ZFPM2: variants seen among roughly 807,000 people sequenced by gnomAD.
The protein encoded by ZFPM2 is zinc finger protein, FOG family member 2, also known as zinc finger protein ZFPM2.
ZFPM2 carries 20 observed loss-of-function variants against 98.6 expected under a neutral mutation model. That is an observed-to-expected ratio of 0.20 (90% CI 0.14 to 0.29). ZFPM2 has a LOEUF of 0.29. Ranked by LOEUF, ZFPM2 falls within the 10% of genes least tolerant of loss-of-function variation. The probability of loss-of-function intolerance (pLI) is 1.00; values close to 1 mark genes in which losing one functional copy is unlikely to be tolerated. For missense variants in ZFPM2, 1,310 were observed against 1,388.6 expected (o/e 0.94, Z 0.90); for synonymous variants, 518 against 502.7 (o/e 1.03, Z -0.41).
chr8:105,644,746 T>C (rs1817010763), intron 5 of ZFPM2, among the ~76,000 whole-genome samples: 1 of 152,196 alleles, frequency 6.6e-6, no homozygotes, highest in African/African-American at 2.4e-5. Context: ...TCTGGGTTTG[T>C]GGATGGGCAC....
chr8:105,357,332 A>AT (rs1812768038), intron 1 of ZFPM2, among the ~76,000 whole-genome samples: 2 of 152,084 alleles, frequency 1.3e-5, no homozygotes, highest in Admixed American at 6.5e-5. Context: ...CATTTTCTGT[A>AT]TTTTTTCTAC....
At chr8:105,643,013 G>A (rs1816976363) in intron 5 of ZFPM2, among the ~76,000 whole-genome samples, 1 of 152,148 alleles carries the variant, frequency 6.6e-6, no homozygotes, top group African/African-American at 2.4e-5. Context: ...AAGTTCCTGA[G>A]AGCCATGTTA....
chr8:105,658,290 T>C (rs1817322732), intron 5 of ZFPM2, among the ~76,000 whole-genome samples: 1 of 152,042 alleles, frequency 6.6e-6, no homozygotes. Context: ...AGTCAGTCTT[T>C]AGAAATCAAA....
intron 5 of ZFPM2, among the ~76,000 whole-genome samples, chr8:105,741,040 G>C (rs1424044858): frequency 6.6e-6 from 1 of 152,076 alleles, no homozygotes; most frequent in Non-Finnish European, 1.5e-5. Flanking sequence ...GCAGCCTGCA[G>C]TGACTGGGCA....
At chr8:105,448,701 A>G (rs1586380666) in intron 3 of ZFPM2, among the ~76,000 whole-genome samples, 1 of 152,186 alleles carries the variant, frequency 6.6e-6, no homozygotes, top group African/African-American at 2.4e-5. Context: ...GCCAAGCTTC[A>G]GTTTCCTTAT....
In ZFPM2 at chr8:105,790,437, C is replaced by A. The variant is rs1813571242; in HGVS notation, c.739+1513C>A. Among the ~76,000 whole-genome samples, 4 of 152,122 alleles carry A rather than the reference C, an allele frequency of 2.6e-5. No individual in the cohort carries two copies. In the South Asian group the frequency reaches 8.3e-4, roughly 32 times the overall value. ...TTATTTCTGAGGGCTCTGTTCTGTT[C>A]CATTGATCTATATCTATCTCTATTT... On this transcript the variant is annotated intron_variant, in intron 6 of 7. Coordinates refer to ENST00000407775, the MANE Select transcript of ZFPM2 (RefSeq NM_012082.4).
chr8:105,562,721 A>T (rs1815165886), intron 4 of ZFPM2, among the ~76,000 whole-genome samples: 2 of 151,966 alleles, frequency 1.3e-5, no homozygotes, highest in Non-Finnish European at 2.9e-5. Context: ...TCCCTCTTAC[A>T]CATTTAAGGA....
chr8:105,772,923 C>T (rs1813013208), intron 5 of ZFPM2, among the ~76,000 whole-genome samples: 5 of 152,126 alleles, frequency 3.3e-5, no homozygotes, highest in Admixed American at 2.6e-4. Flanking sequence ...GTTATCTTGA[C>T]ATGGGCACGT....
chr8:105,389,995 T>C (rs188760761), intron 1 of ZFPM2, among the ~76,000 whole-genome samples: 19 of 152,342 alleles, frequency 1.2e-4, no homozygotes, highest in Admixed American at 9.1e-4. Flanking sequence ...ACGTCCCTTA[T>C]AATATCTGGT....
chr8:105,731,043 A>G (rs1811923670), intron 5 of ZFPM2, among the ~76,000 whole-genome samples: 1 of 151,522 alleles, frequency 6.6e-6, no homozygotes, highest in Admixed American at 6.6e-5. Flanking sequence ...AGATATGAAC[A>G]CTGAGAGAGC....
At chr8:105,471,029 A>G (rs567640873) in intron 3 of ZFPM2, among the ~76,000 whole-genome samples, 1 of 152,140 alleles carries the variant, frequency 6.6e-6, no homozygotes, top group East Asian at 1.9e-4. Flanking sequence ...CTTATTACAT[A>G]TTGAAAATCT....
intron 1 of ZFPM2, among the ~76,000 whole-genome samples, chr8:105,383,050 G>A (rs1810918399): frequency 6.6e-6 from 1 of 152,112 alleles, no homozygotes; most frequent in Admixed American, 6.6e-5. Flanking sequence ...TGGTTAGGAA[G>A]AGAGGAATAA....
chr8:105,660,578 T>C (rs1168571857), intron 5 of ZFPM2, among the ~76,000 whole-genome samples: 1 of 152,242 alleles, frequency 6.6e-6, no homozygotes, highest in Non-Finnish European at 1.5e-5. Flanking sequence ...TACACATGTA[T>C]AAATGTGCGT....
At chr8:105,593,652 G>GAAA (rs57938920) in intron 4 of ZFPM2, among the ~76,000 whole-genome samples, 1 of 109,458 alleles carries the variant, frequency 9.1e-6, no homozygotes, top group African/African-American at 3.5e-5. Flanking sequence ...TCCATTCCAA[G>GAAA]AAAAAAAAAA....
intron 3 of ZFPM2, among the ~76,000 whole-genome samples, chr8:105,448,226 A>C (rs898752045): frequency 6.6e-6 from 1 of 151,914 alleles, no homozygotes; most frequent in Admixed American, 6.6e-5. Flanking sequence ...TTACTTGGAC[A>C]CTTCTTTGCT....
chr8:105,783,208 TG>T (rs1416734039), intron 5 of ZFPM2, among the ~76,000 whole-genome samples: 21 of 143,406 alleles, frequency 1.5e-4, no homozygotes, highest in African/African-American at 3.3e-4. Context: ...TGTTTCTTTA[TG>T]GTTTTTTTTT....
chr8:105,602,641 ATGTGTGCATTTGTACATACATGAATATG>A (rs772340965), intron 4 of ZFPM2, among the ~76,000 whole-genome samples: 19 of 152,248 alleles, frequency 1.2e-4, no homozygotes, highest in African/African-American at 4.6e-4. Flanking sequence ...TGTGATACAT[ATGTGTGCATTTGTACATACATGAATATG>A]TGTGTACATA....
intron 1 of ZFPM2, among the ~76,000 whole-genome samples, chr8:105,407,867 C>T (rs1159457313): frequency 6.6e-6 from 1 of 151,858 alleles, no homozygotes; most frequent in Non-Finnish European, 1.5e-5. Flanking sequence ...GGTTTTCTTC[C>T]TGCATATGAT....
intron 5 of ZFPM2, among the ~76,000 whole-genome samples, chr8:105,715,444 T>G (rs1811503096): frequency 1.3e-5 from 2 of 149,972 alleles, no homozygotes; most frequent in Admixed American, 1.3e-4. Context: ...TAGGCAAAAG[T>G]CAATGAAAAC....
Sources: gnomAD v4.1 joint callset for allele counts (sites outside exome capture counted in the v4.1 genomes callset) on GRCh38, gnomAD v4.1.1 for gene constraint, MANE v1.5 for transcripts, NCBI Gene and HGNC (gene_info 2026-07-23, HGNC 2026-07-21) for gene names.